Variants in IPPK observed in about 807,000 individuals in gnomAD.
The protein encoded by IPPK is IPK1 homolog.
Under a neutral mutation model 64.6 loss-of-function variants are expected in IPPK, and 22 were observed. The observed-to-expected ratio is 0.34, with a 90% CI of 0.24 to 0.49. The LOEUF (loss-of-function observed/expected upper bound fraction) is 0.49. IPPK is among the 20% of genes least tolerant of loss of function. The pLI is 0.99. For missense variants in IPPK, 532 were observed against 630.7 expected (o/e 0.84, Z 1.68); for synonymous variants, 262 against 247.2 (o/e 1.06, Z -0.56).
At chr9:92,627,689 G>A (rs1302171549) in intron 11 of IPPK, among the ~76,000 whole-genome samples, 1 of 152,206 alleles carries the variant, frequency 6.6e-6, no homozygotes, top group Non-Finnish European at 1.5e-5. Context: ...ATCAGGAAGA[G>A]AAGGGAACTT....
At chr9:92,645,067 T>C (rs1288440328) in intron 6 of IPPK, among the ~76,000 whole-genome samples, 1 of 151,902 alleles carries the variant, frequency 6.6e-6, no homozygotes, top group African/African-American at 2.4e-5. Flanking sequence ...AGAATATCAA[T>C]AGAGAGGTAG....
chr9:92,625,996 G>C, intron 11 of IPPK, among the ~76,000 whole-genome samples: 1 of 150,412 alleles, frequency 6.6e-6, no homozygotes, highest in East Asian at 1.9e-4. Flanking sequence ...ATTGCTTAAA[G>C]AAATAAAAGA....
intron 3 of IPPK, among the ~76,000 whole-genome samples, chr9:92,655,875 C>T (rs1369477323): frequency 6.6e-6 from 1 of 152,040 alleles, no homozygotes; most frequent in East Asian, 1.9e-4. Flanking sequence ...ACCCAGGGGC[C>T]TGTCCAGGTC....
chr9:92,633,368 CAA>C (rs777862993), intron 11 of IPPK, among the ~76,000 whole-genome samples: 5 of 128,972 alleles, frequency 3.9e-5, no homozygotes, highest in African/African-American at 5.7e-5. Flanking sequence ...TGTAAAATAC[CAA>C]AAAAAAAAAA....
chr9:92,647,641 CTTGCT>C (rs1489216526), intron 6 of IPPK, among the ~76,000 whole-genome samples: 1 of 151,712 alleles, frequency 6.6e-6, no homozygotes, highest in Non-Finnish European at 1.5e-5. Flanking sequence ...AGGAAGACAC[CTTGCT>C]TTGAAGTGAT....
At chr9:92,631,983 C>G (rs1461905150) in intron 11 of IPPK, among the ~76,000 whole-genome samples, 10 of 152,188 alleles carry the variant, frequency 6.6e-5, no homozygotes, top group Non-Finnish European at 5.9e-5. Flanking sequence ...TCAGTGTGAC[C>G]TCTGGAGATT....
chr9:92,652,448 CAAAAAAAA>C (rs376104704), intron 4 of IPPK, 117 bp downstream of exon 4: 2 of 217,114 alleles, frequency 9.2e-6, no homozygotes, highest in East Asian at 7.2e-5. Context: ...GACTCCGTCT[CAAAAAAAA>C]AAAAAAAAAA....
chr9:92,640,578 G>A, intron 8 of IPPK, 132 bp downstream of exon 8: 1 of 718,918 alleles, frequency 1.4e-6, no homozygotes, highest in Non-Finnish European at 2.6e-6. Flanking sequence ...GAACCAGTCA[G>A]GGCATGAGGA....
intron 1 of IPPK, among the ~76,000 whole-genome samples, chr9:92,667,152 A>G (rs531614374): frequency 1.3e-5 from 2 of 152,106 alleles, no homozygotes; most frequent in African/African-American, 2.4e-5. Flanking sequence ...AGAGAAAGCA[A>G]CCCTCTCCTT....
intron 6 of IPPK, 25 bp from the exon 7 acceptor site, chr9:92,642,835 A>ATT: frequency 6.2e-7 from 1 of 1,600,960 alleles, no homozygotes; most frequent in Admixed American, 1.7e-5. Context: ...ACAGGAGGGC[A>ATT]TGAGGTGACT....
intron 11 of IPPK, among the ~76,000 whole-genome samples, chr9:92,633,571 G>C (rs1851884400): frequency 6.6e-6 from 1 of 151,658 alleles, no homozygotes. Context: ...TCACTATGTT[G>C]ACCAGGTTGG....
chr9:92,659,684 C>T (rs190983679), intron 1 of IPPK, among the ~76,000 whole-genome samples: 61 of 152,228 alleles, frequency 4.0e-4, no homozygotes, highest in African/African-American at 1.3e-3. Flanking sequence ...GCAGGCTGCA[C>T]TAAAGACGGC....
chr9:92,634,143 C>T (rs1851894668), intron 11 of IPPK, among the ~76,000 whole-genome samples: 1 of 152,220 alleles, frequency 6.6e-6, no homozygotes, highest in Non-Finnish European at 1.5e-5. Flanking sequence ...CCCCTGGGGC[C>T]TGACCCCACC....
intron 1 of IPPK, among the ~76,000 whole-genome samples, chr9:92,661,067 C>G (rs907141625): frequency 1.3e-5 from 2 of 152,174 alleles, no homozygotes; most frequent in Non-Finnish European, 2.9e-5. Flanking sequence ...ATTGCAATAG[C>G]CAGCAGGTGC....
intron 1 of IPPK, among the ~76,000 whole-genome samples, chr9:92,659,532 T>C (rs1852438564): frequency 6.6e-6 from 1 of 152,160 alleles, no homozygotes; most frequent in African/African-American, 2.4e-5. Context: ...TTCAAAAAAA[T>C]ACATTCTAAG....
chr9:92,668,937 C>T (rs779173768), intron 1 of IPPK, among the ~76,000 whole-genome samples: 2 of 152,234 alleles, frequency 1.3e-5, no homozygotes, highest in Non-Finnish European at 2.9e-5. Context: ...CTGTTCGACT[C>T]GGGCAATGCC....
At chr9:92,656,047 G>T (rs118045516) in intron 3 of IPPK, among the ~76,000 whole-genome samples, 5,808 of 152,294 alleles carry the variant, frequency 0.038, 153 homozygotes, top group Middle Eastern at 0.075. Context: ...GGGCAGCGGA[G>T]GCCCTTCCTG....
In IPPK at chr9:92,628,188, A is replaced by C. The variant is rs150974360; in HGVS notation, c.1170+6198T>G. ...TCTGAAAACTAAATAACAATGTCAA[A>C]AGAAAACCAAGATCTAAATAAATGG... On this transcript the variant is annotated intron_variant, in intron 11 of 12. Coordinates refer to ENST00000287996, the MANE Select transcript of IPPK (RefSeq NM_022755.6). Among the ~76,000 whole-genome samples, 74 of 152,340 alleles carry C rather than the reference A, an allele frequency of 4.9e-4. No homozygotes were observed. The Middle Eastern group carries it at 0.01, about 21-fold the overall frequency.
intron 4 of IPPK, among the ~76,000 whole-genome samples, chr9:92,651,642 G>A (rs1031222973): frequency 1.6e-4 from 25 of 152,118 alleles, no homozygotes; most frequent in Non-Finnish European, 4.4e-5. Context: ...AACCCTTCCC[G>A]TTCCTAAGTC....
Sources: gnomAD v4.1 joint callset for allele counts (sites outside exome capture counted in the v4.1 genomes callset) on GRCh38, gnomAD v4.1.1 for gene constraint, MANE v1.5 for transcripts, NCBI Gene and HGNC (gene_info 2026-07-23, HGNC 2026-07-21) for gene names.